Variants in RNLS observed in about 807,000 individuals in gnomAD.
The protein encoded by RNLS is renalase.
A neutral mutation model predicts 39.8 loss-of-function variants in RNLS; 39 were observed. The ratio of observed to expected loss-of-function variants is 0.98; its 90% confidence interval spans 0.76 to 1.28. The LOEUF is 1.28. Ranked by LOEUF, RNLS falls within the 50% of genes most tolerant of loss-of-function variation. RNLS has a pLI of 0.00. For missense variants in RNLS, 410 were observed against 413.3 expected, an observed-to-expected ratio of 0.99 and a Z score of 0.07; for synonymous variants, 147 against 150.7, an observed-to-expected ratio of 0.98 and a Z score of 0.18.
chr10:88,468,416 G>A (rs1843333869), intron 4 of RNLS, among the ~76,000 whole-genome samples: 1 of 152,050 alleles, frequency 6.6e-6, no homozygotes, highest in Non-Finnish European at 1.5e-5. Flanking sequence ...GTAACCTAAC[G>A]AGAATGTATG....
chr10:88,377,587 G>A (rs1397944927), intron 4 of RNLS, among the ~76,000 whole-genome samples: 1 of 151,668 alleles, frequency 6.6e-6, no homozygotes, highest in Non-Finnish European at 1.5e-5. Context: ...ACGTATTTGT[G>A]TATCTACACA....
chr10:88,303,449 C>T (rs1047222326), intron 6 of RNLS, among the ~76,000 whole-genome samples: 2 of 152,176 alleles, frequency 1.3e-5, no homozygotes, highest in Admixed American at 6.5e-5. Flanking sequence ...AGGTATCCTG[C>T]GGCCCTACAC....
intron 4 of RNLS, among the ~76,000 whole-genome samples, chr10:88,531,433 T>G (rs1589966053): frequency 4.6e-5 from 7 of 152,214 alleles, no homozygotes; most frequent in Middle Eastern, 3.4e-3. Flanking sequence ...CCCGTTAGAT[T>G]AGGTACATTA....
intron 6 of RNLS, among the ~76,000 whole-genome samples, chr10:88,300,117 C>A (rs1844404739): frequency 6.6e-6 from 1 of 152,112 alleles, no homozygotes; most frequent in South Asian, 2.1e-4. Context: ...GCCAGCTTTG[C>A]CACTTCCTAG....
At chr10:88,326,343 G>T (rs1448164413) in intron 5 of RNLS, among the ~76,000 whole-genome samples, 1 of 152,240 alleles carries the variant, frequency 6.6e-6, no homozygotes, top group Non-Finnish European at 1.5e-5. Context: ...AGTCCAGGAT[G>T]AGGTGATCTC....
chr10:88,333,305 TA>T (rs551731429), intron 5 of RNLS, among the ~76,000 whole-genome samples: 77 of 152,330 alleles, frequency 5.1e-4, no homozygotes, highest in African/African-American at 1.8e-3. Context: ...CAAAACTTTT[TA>T]AAAAGTTATT....
At chr10:88,239,051 G>T in the RNLS span, among the ~76,000 whole-genome samples, 1 of 151,956 alleles carries the variant, frequency 6.6e-6, no homozygotes, top group African/African-American at 2.4e-5. Context: ...CTTGTCTCCT[G>T]CTTGCTTTGC....
At chr10:88,274,805 C>A in exon 7 of RNLS, 1 of 523,620 alleles carries the variant, frequency 1.9e-6, no homozygotes, top group Admixed American at 3.0e-5. Flanking sequence ...TACATTCCCA[C>A]CGGCACTGCA....
chr10:88,219,794 G>T, the RNLS span, among the ~76,000 whole-genome samples: 13 of 152,176 alleles, frequency 8.5e-5, no homozygotes, highest in Non-Finnish European at 1.2e-4. Context: ...CATATTTAAA[G>T]CATTAAAGAC....
the RNLS span, among the ~76,000 whole-genome samples, chr10:88,228,839 G>A: frequency 6.6e-6 from 1 of 152,172 alleles, no homozygotes; most frequent in African/African-American, 2.4e-5. Flanking sequence ...AGCATCTCAA[G>A]CTTTCCCTCA....
intron 6 of RNLS, among the ~76,000 whole-genome samples, chr10:88,304,162 G>A (rs1441927986): frequency 1.3e-5 from 2 of 152,146 alleles, no homozygotes; most frequent in Admixed American, 6.5e-5. Flanking sequence ...AACTCTCAAG[G>A]TCATCAAATA....
chr10:88,320,533 C>T (rs767315742), intron 5 of RNLS, among the ~76,000 whole-genome samples: 2 of 147,958 alleles, frequency 1.4e-5, no homozygotes, highest in Non-Finnish European at 3.0e-5. Context: ...ACCCAACCAT[C>T]TACTGTTTTC....
intron 4 of RNLS, among the ~76,000 whole-genome samples, chr10:88,499,874 A>T (rs1446146763): frequency 1.3e-5 from 2 of 152,194 alleles, no homozygotes; most frequent in Non-Finnish European, 2.9e-5. Context: ...GACAAGCAAG[A>T]AGGGTATACT....
intron 4 of RNLS, among the ~76,000 whole-genome samples, chr10:88,485,031 G>A (rs1013666561): frequency 1.1e-4 from 17 of 151,674 alleles, no homozygotes; most frequent in African/African-American, 3.9e-4. Context: ...ATATTGTTAA[G>A]ACGTTAATTG....
chr10:88,271,491 G>A (rs375042693), downstream of RNLS, among the ~76,000 whole-genome samples: 2 of 152,152 alleles, frequency 1.3e-5, no homozygotes, highest in African/African-American at 2.4e-5. Flanking sequence ...GTGCAGCCAA[G>A]GGGACCATTT....
At chr10:88,524,964 T>C (rs201274151) in intron 4 of RNLS, among the ~76,000 whole-genome samples, 17,916 of 79,180 alleles carry the variant, frequency 0.23, 2,303 homozygotes, top group African/African-American at 0.41. Flanking sequence ...CACATACATA[T>C]ATATATATAT....
intron 4 of RNLS, among the ~76,000 whole-genome samples, chr10:88,427,489 A>G (rs1854858286): frequency 6.6e-6 from 1 of 151,994 alleles, no homozygotes; most frequent in South Asian, 2.1e-4. Context: ...AAAGTAAGAT[A>G]TTTCACCTAC....
intron 4 of RNLS, among the ~76,000 whole-genome samples, chr10:88,458,868 A>G (rs1842780168): frequency 1.3e-5 from 2 of 152,168 alleles, no homozygotes; most frequent in African/African-American, 4.8e-5. Context: ...CTAAGGGCAT[A>G]TTTCACAGAA....
the RNLS span, among the ~76,000 whole-genome samples, chr10:88,187,802 C>T: frequency 6.6e-6 from 1 of 152,202 alleles, no homozygotes; most frequent in East Asian, 1.9e-4. Flanking sequence ...TGAATAATCT[C>T]TCTTTTTCCC....
Sources: gnomAD v4.1 joint callset for allele counts (sites outside exome capture counted in the v4.1 genomes callset) on GRCh38, gnomAD v4.1.1 for gene constraint, MANE v1.5 for transcripts, NCBI Gene and HGNC (gene_info 2026-07-23, HGNC 2026-07-21) for gene names.